BMPER: variants seen among roughly 807,000 people sequenced by gnomAD.
BMPER encodes BMP-binding endothelial regulator protein.
Under a neutral mutation model 87.3 loss-of-function variants are expected in BMPER, and 45 were observed. That is an observed-to-expected ratio of 0.52 (90% CI 0.41 to 0.66). The LOEUF is 0.66. Ranked by LOEUF, BMPER falls within the 30% of genes least tolerant of loss-of-function variation. The probability of loss-of-function intolerance (pLI) is 0.00; values close to 1 mark genes in which losing one functional copy is unlikely to be tolerated. For synonymous variants in BMPER, 326 were observed against 316.2 expected, an observed-to-expected ratio of 1.03 and a Z score of -0.33; for missense variants, 784 against 867.5, an observed-to-expected ratio of 0.90 and a Z score of 1.21.
At chr7:34,125,243 A>G (rs959384694) in intron 13 of BMPER, among the ~76,000 whole-genome samples, 1 of 152,044 alleles carries the variant, frequency 6.6e-6, no homozygotes, top group African/African-American at 2.4e-5. Flanking sequence ...TCAGGGCTTA[A>G]TGGCTTTCTA....
At chr7:34,057,910 A>T in intron 9 of BMPER, 149 bp from the exon 10 acceptor site, 1 of 700,048 alleles carries the variant, frequency 1.4e-6, no homozygotes, top group Non-Finnish European at 2.6e-6. Context: ...AATCAGTTGG[A>T]TGTAGACAGA....
chr7:33,959,021 G>A (rs1785209794), intron 3 of BMPER, among the ~76,000 whole-genome samples: 1 of 152,112 alleles, frequency 6.6e-6, no homozygotes, highest in African/African-American at 2.4e-5. Flanking sequence ...TCTCTCTCCT[G>A]CCGCCATGTG....
chr7:34,118,425 C>G (rs1211432719), intron 13 of BMPER, among the ~76,000 whole-genome samples: 1 of 152,182 alleles, frequency 6.6e-6, no homozygotes. Flanking sequence ...TAATGCAAGG[C>G]GTTCCATGCT....
At chr7:34,101,426 T>C (rs1398579261) in intron 13 of BMPER, among the ~76,000 whole-genome samples, 1 of 152,328 alleles carries the variant, frequency 6.6e-6, no homozygotes, top group African/African-American at 2.4e-5. Context: ...CTTCATTAGT[T>C]ACATCAGGTG....
chr7:33,939,759 T>C (rs548156253), intron 3 of BMPER, among the ~76,000 whole-genome samples: 1 of 152,300 alleles, frequency 6.6e-6, no homozygotes, highest in African/African-American at 2.4e-5. Flanking sequence ...TGATTGTAAC[T>C]TTCCTGAGGC....
intron 14 of BMPER, among the ~76,000 whole-genome samples, chr7:34,146,928 C>T (rs1283630235): frequency 6.6e-6 from 1 of 152,212 alleles, no homozygotes; most frequent in South Asian, 2.1e-4. Context: ...GTGGTTGTTA[C>T]TCGGTACCTT....
chr7:34,124,451 T>TG (rs1790347218), intron 13 of BMPER, among the ~76,000 whole-genome samples: 1 of 24,904 alleles, frequency 4.0e-5, no homozygotes, highest in South Asian at 4.1e-3. Flanking sequence ...ATTGTAAAGT[T>TG]TTTTTTTTTT....
chr7:34,046,927 T>TTA (rs1554310100), intron 7 of BMPER, among the ~76,000 whole-genome samples: 16 of 38,220 alleles, frequency 4.2e-4, no homozygotes, highest in East Asian at 1.7e-3. Flanking sequence ...AGGCACTTTA[T>TTA]TTTTTTTTTT....
intron 9 of BMPER, among the ~76,000 whole-genome samples, chr7:34,055,997 G>A (rs921546068): frequency 6.6e-6 from 1 of 152,206 alleles, no homozygotes; most frequent in Non-Finnish European, 1.5e-5. Context: ...TACCGAAGCT[G>A]TCACCTCATG....
intron 13 of BMPER, among the ~76,000 whole-genome samples, chr7:34,112,035 A>T (rs1168059320): frequency 6.6e-6 from 1 of 152,132 alleles, no homozygotes; most frequent in Non-Finnish European, 1.5e-5. Context: ...GTACATGTCC[A>T]TTGTTTTCTA....
chr7:34,011,605 GA>G (rs1282148601), intron 6 of BMPER, among the ~76,000 whole-genome samples: 1 of 93,060 alleles, frequency 1.1e-5, no homozygotes. Flanking sequence ...AAAAAAAAAA[GA>G]AAAAAAAAGA....
At chr7:33,970,522 T>A in intron 5 of BMPER, 103 bp downstream of exon 5, 1 of 1,194,908 alleles carries the variant, frequency 8.4e-7, no homozygotes, top group Non-Finnish European at 1.2e-6. Context: ...ACTTTACATC[T>A]GTGTACCTAA....
chr7:33,937,513 G>GGTGTGTGTGTGT (rs376953621), intron 3 of BMPER, 125 bp downstream of exon 3: 109,222 of 726,908 alleles, frequency 0.15, 3,462 homozygotes, highest in Admixed American at 0.16. Context: ...GGAGAAGTAG[G>GGTGTGTGTGTGT]GTGTGTGTGT....
chr7:33,981,657 T>A (rs1785864337), intron 6 of BMPER, among the ~76,000 whole-genome samples: 1 of 152,196 alleles, frequency 6.6e-6, no homozygotes, highest in Admixed American at 6.5e-5. Context: ...AACAAATGGA[T>A]GCTGGTTTTT....
chr7:34,117,946 A>G (rs545549920), intron 13 of BMPER, among the ~76,000 whole-genome samples: 1 of 152,340 alleles, frequency 6.6e-6, no homozygotes, highest in East Asian at 1.9e-4. Context: ...TTCTACCTTG[A>G]ATACATTTCT....
At chr7:33,956,710 G>A (rs538868803) in intron 3 of BMPER, among the ~76,000 whole-genome samples, 64 of 152,038 alleles carry the variant, frequency 4.2e-4, no homozygotes, top group African/African-American at 1.4e-3. Context: ...TAATAAATAC[G>A]TTTTCTCTTC....
Position 33,962,637 on chromosome 7 carries a change from A to G in BMPER, c.320-3842A>G, listed in dbSNP as rs1277142245. Among the ~76,000 whole-genome samples the G allele has an allele frequency of 2.6e-5, 4 of 152,180 alleles. No individual in the cohort carries two copies. In the East Asian group the frequency reaches 7.7e-4, roughly 29 times the overall value. ...TAGGGTGAAAGGCAAAATCACCCTC[A>G]CTTGAGAACTGCTGGTTTAAAGATA... On this transcript the variant is annotated intron_variant, in intron 3 of 14. Coordinates refer to ENST00000649409, the MANE Select transcript of BMPER (RefSeq NM_001365308.1).
At chr7:34,141,472 A>C (rs1323105969) in intron 13 of BMPER, among the ~76,000 whole-genome samples, 1 of 151,990 alleles carries the variant, frequency 6.6e-6, no homozygotes, top group Non-Finnish European at 1.5e-5. Flanking sequence ...TTAGCCTGGC[A>C]TGGTGGTGGG....
intron 4 of BMPER, among the ~76,000 whole-genome samples, chr7:33,969,646 G>T (rs1030617381): frequency 1.3e-5 from 2 of 152,200 alleles, no homozygotes; most frequent in African/African-American, 4.8e-5. Context: ...TGATCCGCCC[G>T]CCTCAGCCTC....
Sources: allele counts gnomAD v4.1 joint callset (sites outside exome capture counted in the v4.1 genomes callset), GRCh38; gene constraint gnomAD v4.1.1; transcripts MANE v1.5; gene names NCBI Gene and HGNC (gene_info 2026-07-23, HGNC 2026-07-21).